MGAT5: variants seen among roughly 807,000 people sequenced by gnomAD.
MGAT5 encodes the protein alpha-1,6-mannosylglycoprotein 6-beta-N-acetylglucosaminyltransferase A.
MGAT5 carries 30 observed loss-of-function variants against 94.3 expected under a neutral mutation model. That is an observed-to-expected ratio of 0.32 (90% CI 0.24 to 0.43). The LOEUF (loss-of-function observed/expected upper bound fraction) is 0.43. MGAT5 is among the 20% of genes least tolerant of loss of function. MGAT5 has a pLI of 1.00. For synonymous variants in MGAT5, 310 were observed against 322.9 expected (o/e 0.96, Z 0.43); for missense variants, 691 against 905.5 (o/e 0.76, Z 3.04).
chr2:134,344,094 G>A, intron 7 of MGAT5, among the ~76,000 whole-genome samples: 1 of 152,116 alleles, frequency 6.6e-6, no homozygotes, highest in Non-Finnish European at 1.5e-5. Flanking sequence ...TTTGGTGAAG[G>A]ATTATCATGG....
chr2:134,278,905 C>G (rs2105701833), intron 2 of MGAT5, among the ~76,000 whole-genome samples: 1 of 152,278 alleles, frequency 6.6e-6, no homozygotes, highest in Non-Finnish European at 1.5e-5. Flanking sequence ...TGCTTGATGC[C>G]CCTCACATCC....
At chr2:134,330,612 C>T (rs911377768) in intron 4 of MGAT5, among the ~76,000 whole-genome samples, 8 of 147,458 alleles carry the variant, frequency 5.4e-5, no homozygotes, top group Admixed American at 6.8e-5. Flanking sequence ...TCTAAGCCTT[C>T]ATACATGATG....
intron 2 of MGAT5, among the ~76,000 whole-genome samples, chr2:134,295,617 C>G (rs538057686): frequency 6.6e-6 from 1 of 152,256 alleles, no homozygotes; most frequent in South Asian, 2.1e-4. Context: ...ACAAGAACAG[C>G]CAGTAGTGGC....
chr2:134,201,554 G>A (rs1329162033), intron 1 of MGAT5, among the ~76,000 whole-genome samples: 6 of 152,202 alleles, frequency 3.9e-5, no homozygotes, highest in South Asian at 2.1e-4. Context: ...CCACAGCACC[G>A]GGTCAGCTTG....
At chr2:134,311,619 C>G (rs559162302) in intron 2 of MGAT5, among the ~76,000 whole-genome samples, 1 of 152,310 alleles carries the variant, frequency 6.6e-6, no homozygotes, top group East Asian at 1.9e-4. Context: ...GAGATTCTTA[C>G]ACATGGTACC....
chr2:134,304,918 AG>A (rs2105841162), intron 2 of MGAT5, among the ~76,000 whole-genome samples: 1 of 152,314 alleles, frequency 6.6e-6, no homozygotes, highest in East Asian at 1.9e-4. Context: ...GACATTACCT[AG>A]CAGGCTTGGC....
chr2:134,370,234 A>T (rs1680699441), intron 10 of MGAT5, among the ~76,000 whole-genome samples: 1 of 152,240 alleles, frequency 6.6e-6, no homozygotes, highest in Admixed American at 6.5e-5. Flanking sequence ...TTGTAATTAA[A>T]GAATGTACTG....
intron 1 of MGAT5, among the ~76,000 whole-genome samples, chr2:134,159,185 A>G (rs1687613714): frequency 1.3e-5 from 1 of 76,914 alleles, no homozygotes; most frequent in Non-Finnish European, 2.9e-5. Context: ...ACTGGTCTAA[A>G]TTCGTGTGTG....
intron 1 of MGAT5, among the ~76,000 whole-genome samples, chr2:134,145,712 A>G (rs969900262): frequency 6.6e-6 from 1 of 152,218 alleles, no homozygotes; most frequent in Non-Finnish European, 1.5e-5. Context: ...CCTCTGGGCA[A>G]GTTGCTTAAC....
intron 1 of MGAT5, among the ~76,000 whole-genome samples, chr2:134,227,959 C>CTTGTT (rs1177984643): frequency 6.6e-6 from 1 of 152,132 alleles, no homozygotes; most frequent in Admixed American, 6.5e-5. Context: ...AGAATGCACC[C>CTTGTT]TTGTTTAAAT....
intron 1 of MGAT5, among the ~76,000 whole-genome samples, chr2:134,166,708 TA>T (rs1687977970): frequency 6.6e-6 from 1 of 152,222 alleles, no homozygotes; most frequent in Admixed American, 6.5e-5. Flanking sequence ...ATTAAAGGTA[TA>T]AAAAAGGTTT....
intron 1 of MGAT5, among the ~76,000 whole-genome samples, chr2:134,155,514 T>C (rs1285429692): frequency 4.6e-5 from 7 of 152,230 alleles, no homozygotes; most frequent in Admixed American, 2.0e-4. Context: ...CTTGTTGGAA[T>C]GTTGTAAGGA....
At chr2:134,226,654 A>G (rs1681079788) in intron 1 of MGAT5, among the ~76,000 whole-genome samples, 1 of 152,206 alleles carries the variant, frequency 6.6e-6, no homozygotes, top group Non-Finnish European at 1.5e-5. Context: ...TAGTGTAGAC[A>G]GAAAGTCTGG....
rs150431307 is a variant in MGAT5, at chr2:134,225,949, T to C, written c.-142-28313T>C. Among the ~76,000 whole-genome samples, 56 of 152,330 alleles carry C rather than the reference T, an allele frequency of 3.7e-4. 1 individual carries two copies. In the East Asian group the frequency reaches 9.7e-3, roughly 26 times the overall value. On this transcript the variant is annotated intron_variant, in intron 1 of 16. Coordinates refer to the MGAT5 transcript ENST00000409645. ...GACTTTTGACCTCTTCTGGGAGCTG[T>C]CCTGATTCCTCTTCAAACCGAATGA...
intron 1 of MGAT5, among the ~76,000 whole-genome samples, chr2:134,228,326 C>A (rs888758998): frequency 3.3e-5 from 5 of 152,158 alleles, no homozygotes; most frequent in African/African-American, 1.2e-4. Flanking sequence ...TTAGAGTCTG[C>A]CCTTGGCAAA....
chr2:134,221,789 T>G (rs1166258148), intron 1 of MGAT5, among the ~76,000 whole-genome samples: 5 of 152,002 alleles, frequency 3.3e-5, no homozygotes, highest in African/African-American at 1.2e-4. Flanking sequence ...GCAGAAAAGG[T>G]GGGCACGTAA....
intron 10 of MGAT5, among the ~76,000 whole-genome samples, chr2:134,369,422 C>G (rs1680641488): frequency 6.6e-6 from 1 of 152,168 alleles, no homozygotes; most frequent in South Asian, 2.1e-4. Flanking sequence ...GAACCTGGCT[C>G]TGGGCCAGCT....
intron 1 of MGAT5, among the ~76,000 whole-genome samples, chr2:134,186,167 A>C (rs1468236599): frequency 6.6e-6 from 1 of 152,206 alleles, no homozygotes; most frequent in Non-Finnish European, 1.5e-5. Context: ...GGGAAAGAGC[A>C]GTTCAATGTG....
At chr2:134,186,698 T>A (rs539549646) in intron 1 of MGAT5, among the ~76,000 whole-genome samples, 105 of 152,204 alleles carry the variant, frequency 6.9e-4, no homozygotes, top group South Asian at 1.2e-3. Context: ...ATGCCCAGGA[T>A]TGTGGATCGT....
Sources: allele counts gnomAD v4.1 joint callset (sites outside exome capture counted in the v4.1 genomes callset), GRCh38; gene constraint gnomAD v4.1.1; transcripts MANE v1.5; gene names NCBI Gene and HGNC (gene_info 2026-07-23, HGNC 2026-07-21).